Variants in CNTNAP2 observed in about 807,000 individuals in gnomAD.
The protein encoded by CNTNAP2 is contactin-associated protein-like 2.
In CNTNAP2, 98 loss-of-function variants were observed where a neutral mutation model predicts 155.2. The ratio of observed to expected loss-of-function variants is 0.63; its 90% CI spans 0.54 to 0.75. The LOEUF is 0.75. Among genes scored for constraint, CNTNAP2 ranks in the 30% least tolerant of loss-of-function variants. CNTNAP2 has a pLI of 0.00. For missense variants in CNTNAP2, 1,727 were observed against 1,688.1 expected, an observed-to-expected ratio of 1.02 and a Z score of -0.40; for synonymous variants, 651 against 631.2, an observed-to-expected ratio of 1.03 and a Z score of -0.47.
chr7:147,548,057 G>A (rs1799777449), intron 11 of CNTNAP2, among the ~76,000 whole-genome samples: 1 of 152,152 alleles, frequency 6.6e-6, no homozygotes, highest in Admixed American at 6.6e-5. Context: ...AAATAGTGCT[G>A]CAGTAAACAT....
At chr7:148,283,877 T>A (rs1797033540) in intron 21 of CNTNAP2, among the ~76,000 whole-genome samples, 2 of 152,186 alleles carry the variant, frequency 1.3e-5, no homozygotes, top group South Asian at 4.1e-4. Flanking sequence ...GAATATTAAA[T>A]AAGATACACA....
At chr7:146,733,054 A>G (rs1801553124) in intron 1 of CNTNAP2, among the ~76,000 whole-genome samples, 1 of 152,128 alleles carries the variant, frequency 6.6e-6, no homozygotes, top group African/African-American at 2.4e-5. Flanking sequence ...GCACTAATAT[A>G]TAATCATAGA....
At chr7:146,552,462 C>T (rs1006158958) in intron 1 of CNTNAP2, among the ~76,000 whole-genome samples, 1 of 152,094 alleles carries the variant, frequency 6.6e-6, no homozygotes, top group South Asian at 2.1e-4. Context: ...TCTAACCAAC[C>T]AAATTTAAGC....
intron 21 of CNTNAP2, among the ~76,000 whole-genome samples, chr7:148,301,940 A>G (rs1797399006): frequency 6.6e-6 from 1 of 152,202 alleles, no homozygotes; most frequent in Non-Finnish European, 1.5e-5. Flanking sequence ...TTGAATAATC[A>G]CTGGGACCTC....
intron 14 of CNTNAP2, among the ~76,000 whole-genome samples, chr7:147,905,110 A>T (rs942248396): frequency 6.6e-6 from 1 of 152,222 alleles, no homozygotes; most frequent in Non-Finnish European, 1.5e-5. Context: ...TAAAATACCA[A>T]ATGCAAAGAA....
At position 146,642,302 on chromosome 7, in the gene CNTNAP2, TC is replaced by T. The variant is rs1194924707; in HGVS notation, c.98-131963del. Among the ~76,000 whole-genome samples, 390 of 98,432 alleles carry T rather than the reference TC, an allele frequency of 4.0e-3. 2 individuals carry two copies. Among genetic ancestry groups the T allele is most frequent in the African/African-American group, 0.014 (352 of 25,496 alleles). The allele number at this position is 98,432 out of a possible 152,430, so 64.6% of individuals were successfully genotyped here. A position where few individuals can be genotyped will look rare whatever the true frequency, so the allele number is the denominator to read the frequency against. ...TAGGTATATCTCCTAAAGCTATCCC[TC>T]CCCCCTCCCCCCACCCCACAACAGT... On this transcript the variant is annotated intron_variant, in intron 1 of 23. Transcript: ENST00000361727.
intron 13 of CNTNAP2, among the ~76,000 whole-genome samples, chr7:147,820,029 G>T (rs1012330866): frequency 6.6e-6 from 1 of 152,018 alleles, no homozygotes; most frequent in Non-Finnish European, 1.5e-5. Context: ...GAGTGGAATT[G>T]CTAGGTCATA....
chr7:146,772,474 T>C (rs954885148), intron 1 of CNTNAP2, among the ~76,000 whole-genome samples: 3 of 138,824 alleles, frequency 2.2e-5, no homozygotes, highest in African/African-American at 8.4e-5. Flanking sequence ...CTGGCTAACA[T>C]GGTGAAACCC....
chr7:147,797,696 T>A (rs141148617), intron 13 of CNTNAP2, among the ~76,000 whole-genome samples: 65 of 152,314 alleles, frequency 4.3e-4, no homozygotes, highest in African/African-American at 1.5e-3. Context: ...TCTCCCAACA[T>A]TTTTAATGCA....
intron 1 of CNTNAP2, among the ~76,000 whole-genome samples, chr7:146,587,203 G>A (rs1196256392): frequency 6.6e-6 from 1 of 152,014 alleles, no homozygotes; most frequent in African/African-American, 2.4e-5. Flanking sequence ...TCCTTTCTTG[G>A]GGCCTGTGTA....
intron 1 of CNTNAP2, among the ~76,000 whole-genome samples, chr7:146,377,961 C>T (rs1259901149): frequency 6.6e-6 from 1 of 152,170 alleles, no homozygotes; most frequent in Admixed American, 6.5e-5. Flanking sequence ...ATCCACAATT[C>T]TTATGTTACT....
rs1388234159 is a variant in CNTNAP2, at chr7:148,147,708, G to A, written c.2772G>A (p.Val924=). 6.2e-7 allele frequency: 1 copy of A among 1,613,196 alleles called. No individual in the cohort carries two copies. Among genetic ancestry groups the A allele is most frequent in the Non-Finnish European group, 8.5e-7 (1 of 1,179,942 alleles). The part of the protein sequence containing the change: ...TRLELYSQLF[V]GGAGGQQGFL... ...TGGAGCTCTACAGCCAGTTATTTGT[G>A]GGTAAGTAATGGAAAGGTAACCATG... Residue 924 remains valine (V), a splice_region_variant and synonymous_variant, in exon 17 of 24, where the codon GTG becomes GTA. Transcript: ENST00000361727.
At chr7:146,627,625 G>T (rs1429619371) in intron 1 of CNTNAP2, among the ~76,000 whole-genome samples, 1 of 151,958 alleles carries the variant, frequency 6.6e-6, no homozygotes, top group Non-Finnish European at 1.5e-5. Context: ...TTAACTCAGG[G>T]AACTTAAAAC....
At chr7:148,360,421 C>T (rs998816357) in intron 21 of CNTNAP2, among the ~76,000 whole-genome samples, 1 of 152,180 alleles carries the variant, frequency 6.6e-6, no homozygotes, top group African/African-American at 2.4e-5. Flanking sequence ...ACACAGCCCT[C>T]ACCAACCTCA....
At chr7:147,734,134 A>G (rs1245169186) in intron 13 of CNTNAP2, among the ~76,000 whole-genome samples, 4 of 152,184 alleles carry the variant, frequency 2.6e-5, no homozygotes, top group South Asian at 2.1e-4. Flanking sequence ...CCCATTCAGT[A>G]TGATATTGGC....
intron 4 of CNTNAP2, among the ~76,000 whole-genome samples, chr7:147,094,941 A>G (rs1800495526): frequency 6.6e-6 from 1 of 152,130 alleles, no homozygotes; most frequent in Non-Finnish European, 1.5e-5. Context: ...GTATCTGATG[A>G]GGGTCCACTT....
intron 3 of CNTNAP2, among the ~76,000 whole-genome samples, chr7:146,928,505 C>T (rs185460311): frequency 3.9e-5 from 6 of 152,132 alleles, no homozygotes; most frequent in Non-Finnish European, 7.4e-5. Flanking sequence ...CCAGCATGAA[C>T]GACGCAGAAG....
At chr7:146,610,561 T>C (rs1314924428) in intron 1 of CNTNAP2, among the ~76,000 whole-genome samples, 1 of 152,184 alleles carries the variant, frequency 6.6e-6, no homozygotes, top group African/African-American at 2.4e-5. Context: ...GTGAAAGTAG[T>C]TAATTTAATA....
rs1048564525 is a variant in CNTNAP2, at chr7:147,907,250, G to T, written c.2255+3529G>T. ...TTTTTGTATTTTTAGTAGAGACGGG[G>T]TTTCACCATGTTAGCCAGGATAGTC... On this transcript the variant is annotated intron_variant, in intron 14 of 23. Coordinates refer to ENST00000361727, the MANE Select transcript of CNTNAP2 (RefSeq NM_014141.6). Among the ~76,000 whole-genome samples, 6 of 152,062 alleles carry T rather than the reference G, an allele frequency of 3.9e-5. No individual in the cohort carries two copies. The South Asian group carries it at 1.0e-3, about 26-fold the overall frequency.
Sources: gnomAD v4.1 joint callset for allele counts (sites outside exome capture counted in the v4.1 genomes callset) on GRCh38, gnomAD v4.1.1 for gene constraint, MANE v1.5 for transcripts, NCBI Gene and HGNC (gene_info 2026-07-23, HGNC 2026-07-21) for gene names.